GRM5: variants seen among roughly 807,000 people sequenced by gnomAD.
The protein encoded by GRM5 is glutamate metabotropic receptor 5, also known as metabotropic glutamate receptor 5.
GRM5 carries 19 observed loss-of-function variants against 83.1 expected under a neutral mutation model. That is an observed-to-expected ratio of 0.23 (90% CI 0.16 to 0.34). GRM5 has a LOEUF of 0.34. Among genes scored for constraint, GRM5 ranks in the 10% least tolerant of loss-of-function variants. GRM5 has a pLI of 1.00. For missense variants in GRM5, 1,160 were observed against 1,588.3 expected (o/e 0.73, Z 4.58); for synonymous variants, 675 against 633.6 (o/e 1.07, Z -0.98).
At chr11:88,873,426 C>T (rs995214630) in intron 2 of GRM5, among the ~76,000 whole-genome samples, 4 of 151,520 alleles carry the variant, frequency 2.6e-5, no homozygotes, top group Admixed American at 2.0e-4. Flanking sequence ...CTCAGCAGCA[C>T]ATGGAACATT....
At chr11:89,021,414 T>G (rs1591054586) in intron 2 of GRM5, among the ~76,000 whole-genome samples, 1 of 152,302 alleles carries the variant, frequency 6.6e-6, no homozygotes, top group African/African-American at 2.4e-5. Flanking sequence ...CCTATCTTTC[T>G]GCTTCCTTGA....
At chr11:89,009,732 T>TAA (rs577356560) in intron 2 of GRM5, among the ~76,000 whole-genome samples, 11 of 146,016 alleles carry the variant, frequency 7.5e-5, no homozygotes, top group African/African-American at 1.8e-4. Context: ...CCGTCTCTAC[T>TAA]AAAAAAAAAA....
chr11:88,620,368 A>G (rs1205309594), intron 4 of GRM5, among the ~76,000 whole-genome samples: 1 of 152,230 alleles, frequency 6.6e-6, no homozygotes, highest in Non-Finnish European at 1.5e-5. Context: ...TTCAGAGTAG[A>G]AAATCAGCAC....
chr11:88,690,717 G>A (rs1940762153), intron 3 of GRM5, among the ~76,000 whole-genome samples: 1 of 152,168 alleles, frequency 6.6e-6, no homozygotes, highest in South Asian at 2.1e-4. Flanking sequence ...GATAAAAGCT[G>A]TTCTGATGTG....
chr11:89,061,766 C>A (rs1941998559), intron 1 of GRM5, among the ~76,000 whole-genome samples: 1 of 152,168 alleles, frequency 6.6e-6, no homozygotes, highest in Admixed American at 6.5e-5. Context: ...GATACCAACT[C>A]CCTCTCCCAA....
intron 3 of GRM5, among the ~76,000 whole-genome samples, chr11:88,709,580 G>A (rs1186179155): frequency 6.6e-6 from 1 of 152,238 alleles, no homozygotes; most frequent in East Asian, 1.9e-4. Flanking sequence ...GCTCTGGAGA[G>A]GAGGTCACCT....
At chr11:88,564,501 G>A (rs1031781731) in intron 8 of GRM5, among the ~76,000 whole-genome samples, 1 of 152,168 alleles carries the variant, frequency 6.6e-6, no homozygotes, top group African/African-American at 2.4e-5. Flanking sequence ...TCCGATTCTA[G>A]AGCAGAGACT....
intron 4 of GRM5, chr11:88,612,686 T>A (rs904145033): frequency 6.6e-6 from 1 of 152,000 alleles, no homozygotes; most frequent in Admixed American, 6.6e-5. Flanking sequence ...GGTATCTCAT[T>A]GTGGTTTTGA....
intron 7 of GRM5, among the ~76,000 whole-genome samples, chr11:88,588,592 C>A (rs1398344444): frequency 1.3e-5 from 2 of 152,124 alleles, no homozygotes; most frequent in Non-Finnish European, 2.9e-5. Context: ...TTACCCCAGA[C>A]TGAAATTTCT....
intron 2 of GRM5, among the ~76,000 whole-genome samples, chr11:88,920,374 A>G (rs1244207566): frequency 1.3e-5 from 2 of 151,556 alleles, no homozygotes; most frequent in Non-Finnish European, 2.9e-5. Flanking sequence ...GACCAATAAC[A>G]AGTAAGAAGA....
At chr11:88,598,478 G>T (rs746053726) in intron 5 of GRM5, among the ~76,000 whole-genome samples, 11 of 148,762 alleles carry the variant, frequency 7.4e-5, no homozygotes, top group Non-Finnish European at 1.3e-4. Flanking sequence ...TTCTTGTTTT[G>T]TTGGTTGTTC....
At chr11:88,771,586 G>A (rs1013569705) in intron 3 of GRM5, among the ~76,000 whole-genome samples, 22 of 152,010 alleles carry the variant, frequency 1.4e-4, no homozygotes, top group Admixed American at 8.5e-4. Context: ...TCTAATGGGC[G>A]CTGGATGGTG....
intron 2 of GRM5, among the ~76,000 whole-genome samples, chr11:89,044,520 G>A (rs536903818): frequency 5.3e-5 from 8 of 152,204 alleles, no homozygotes; most frequent in African/African-American, 1.4e-4. Context: ...TGTGGTACCC[G>A]TGACACAGTA....
chr11:88,772,972 G>A (rs558855023), intron 3 of GRM5, among the ~76,000 whole-genome samples: 11 of 152,100 alleles, frequency 7.2e-5, no homozygotes, highest in Admixed American at 7.2e-4. Context: ...CCCAGTAATG[G>A]GATTGCTGGG....
intron 2 of GRM5, among the ~76,000 whole-genome samples, chr11:88,879,101 A>C (rs924897505): frequency 6.6e-6 from 1 of 152,170 alleles, no homozygotes; most frequent in Non-Finnish European, 1.5e-5. Context: ...TAGGATAAGA[A>C]ATACTATGGA....
chr11:88,738,182 A>C (rs1157281487), intron 3 of GRM5, among the ~76,000 whole-genome samples: 3 of 152,014 alleles, frequency 2.0e-5, no homozygotes, highest in South Asian at 2.1e-4. Flanking sequence ...TATAAAATCT[A>C]TTTTTATTAT....
At chr11:88,987,366 C>T (rs771074613) in intron 2 of GRM5, among the ~76,000 whole-genome samples, 5 of 151,962 alleles carry the variant, frequency 3.3e-5, no homozygotes, top group African/African-American at 7.2e-5. Context: ...CCTACGCCCA[C>T]GGAGTCTCAC....
At chr11:88,908,235 C>A (rs1016396270) in intron 2 of GRM5, among the ~76,000 whole-genome samples, 8 of 152,110 alleles carry the variant, frequency 5.3e-5, no homozygotes, top group Non-Finnish European at 1.2e-4. Flanking sequence ...CTACTCTCCC[C>A]TGTCTTCTAC....
At chr11:88,589,777 A>G (rs553211235) in intron 7 of GRM5, among the ~76,000 whole-genome samples, 5 of 152,258 alleles carry the variant, frequency 3.3e-5, no homozygotes, top group Non-Finnish European at 7.4e-5. Flanking sequence ...TCCTCTTATT[A>G]TATTGTAATC....
Sources: allele counts gnomAD v4.1 joint callset (sites outside exome capture counted in the v4.1 genomes callset), GRCh38; gene constraint gnomAD v4.1.1; transcripts MANE v1.5; gene names NCBI Gene and HGNC (gene_info 2026-07-23, HGNC 2026-07-21).